The following BET1L variants were observed in gnomAD, a reference collection of about 807,000 sequenced individuals.
BET1L encodes Bet1 golgi vesicular membrane trafficking protein like, also known as BET1-like protein.
Under a neutral mutation model 12.6 loss-of-function variants are expected in BET1L, and 13 were observed. The observed-to-expected ratio is 1.03, with a 90% CI of 0.67 to 1.64. BET1L has a LOEUF of 1.64. Ranked by LOEUF, BET1L falls within the 40% of genes most tolerant of loss-of-function variation. The pLI, the probability that BET1L is intolerant of heterozygous loss-of-function variation, is 0.00. For synonymous variants in BET1L, 60 were observed against 56.9 expected (o/e 1.05, Z -0.25); for missense variants, 154 against 150.7 (o/e 1.02, Z -0.11).
chr11:205,935 G>A lies in BET1L; in HGVS notation c.111+17C>T, dbSNP rs3782121. 0.048 allele frequency: 77,371 copies of A among 1,611,798 alleles called. 2,410 individuals carry two copies. The highest frequency in any genetic ancestry group is 0.13 in the East Asian group (5,901 of 44,878). On this transcript the variant is annotated intron_variant, in intron 2 of 3. Transcript: ENST00000382762. ...CAAAGGCACCAGGTGGAGGTAAGAG[G>A]ACAGACCACCACTGACCGATTTGAG...
In BET1L at chr11:205,249, G is replaced by C; in HGVS notation, c.*53C>G. On this transcript the variant is annotated 3_prime_UTR_variant, in exon 4 of 4. Transcript: ENST00000382762. Reference sequence around the variant, plus strand: ...AGTCCTCTGGAGCCCAAAACACCAGGCAGGGAAGACCCTGGCTGCCCTTGG... The same window carrying C: ...AGTCCTCTGGAGCCCAAAACACCAGCCAGGGAAGACCCTGGCTGCCCTTGG... 6.4e-7 allele frequency: 1 copy of C among 1,570,072 alleles called. No individual in the cohort carries two copies. Among genetic ancestry groups the C allele is most frequent in the East Asian group, 2.3e-5 (1 of 44,038 alleles).
chr11:206,577 G>C (rs1054768739), intron 1 of BET1L, among the ~76,000 whole-genome samples: 11 of 152,340 alleles, frequency 7.2e-5, no homozygotes, highest in Non-Finnish European at 1.6e-4. Flanking sequence ...GCTGAGCAAA[G>C]TTCCCAATTT....
At position 202,970 on chromosome 11, in the gene BET1L, G is replaced by A. The variant is rs1362602408; in HGVS notation, c.*2332C>T. The A allele has an allele frequency of 6.6e-6, 1 of 152,222 alleles. No individual in the cohort carries two copies. The highest frequency in any genetic ancestry group is 1.5e-5 in the Non-Finnish European group (1 of 68,048). 9.4% of individuals were successfully genotyped at this position (152,222 alleles called of 1,614,324 possible). On this transcript the variant is annotated 3_prime_UTR_variant, in exon 4 of 4. Transcript: ENST00000382762. The stretch of plus-strand genomic sequence containing the variant: ...TTTACTACAAATTTTTATTGTTAAT[G>A]TTTCTCATCCTGAAATTATGGGATA...
rs61876180 is a variant in BET1L, at chr11:204,100, T to C, written c.*1202A>G. ...CACAGGTGGGGGGACAGTGATCCCA[T>C]AGTCCCCAGGGAGTGACTGGGAGGC... On this transcript the variant is annotated 3_prime_UTR_variant, in exon 4 of 4. Coordinates refer to ENST00000382762, the MANE Select transcript of BET1L (RefSeq NM_001098787.2). 0.028 allele frequency: 4,292 copies of C among 152,714 alleles called. 85 individuals are homozygous for C. The highest frequency in any genetic ancestry group is 0.042 in the Non-Finnish European group (2,887 of 68,308). 9.5% of individuals were successfully genotyped at this position (152,714 alleles called of 1,614,324 possible). A position where few individuals can be genotyped will look rare whatever the true frequency, so the allele number is the denominator to read the frequency against.
Position 205,476 on chromosome 11 carries a change from G to A in BET1L, c.169-7C>T. On this transcript the variant is annotated splice_region_variant and splice_polypyrimidine_tract_variant and intron_variant, in intron 3 of 3. Transcript: ENST00000382762. ...TGCTTGTGAAATCCGAGTCCTAAGG[G>A]AGGAATCCCAGCAAGATCACACAGA... 6.2e-7 allele frequency: 1 copy of A among 1,614,230 alleles called. No homozygotes were observed. Among genetic ancestry groups the A allele is most frequent in the Non-Finnish European group, 8.5e-7 (1 of 1,180,042 alleles).
At chr11:207,102 C>A (rs1855185660) in intron 1 of BET1L, 1 of 636,414 alleles carries the variant, frequency 1.6e-6, no homozygotes, top group South Asian at 2.4e-5. Context: ...GGCCGCCACG[C>A]GCGCCTTCGG....
At chr11:207,104 C>T (rs577070852) in intron 1 of BET1L, 199 bp downstream of exon 1, 28 of 648,252 alleles carry the variant, frequency 4.3e-5, no homozygotes, top group Non-Finnish European at 6.3e-5. Context: ...CCGCCACGCG[C>T]GCCTTCGGTC....
Position 207,352 on chromosome 11 carries a change from A to G in BET1L, c.-31T>C. ...CCTGCCCCGGCTCCTCGACGCGGAC[A>G]CCGACGCGGCCACAGCCGCCTCAGA... On this transcript the variant is annotated 5_prime_UTR_variant, in exon 1 of 4. Transcript: ENST00000382762. 1 of 1,147,082 alleles carries G rather than the reference A, an allele frequency of 8.7e-7. No individual in the cohort carries two copies. Among genetic ancestry groups the G allele is most frequent in the Admixed American group, 3.1e-5 (1 of 32,774 alleles). The allele number at this position is 1,147,082 out of a possible 1,614,324, so 71.1% of individuals were successfully genotyped here.
At position 205,680 on chromosome 11, in the gene BET1L, CAGAG is replaced by C; in HGVS notation, c.112-17_112-14del. The C allele has an allele frequency of 6.2e-7, 1 of 1,601,426 alleles. No individual in the cohort carries two copies. Among genetic ancestry groups the C allele is most frequent in the South Asian group, 1.1e-5 (1 of 90,882 alleles). ...TGTCCAGGGCGAGCTGTTCAGCAGA[CAGAG>C]AGGGCAGGGTTGGGCCAGAGCAGAC... On this transcript the variant is annotated splice_polypyrimidine_tract_variant and intron_variant, in intron 2 of 3. Coordinates refer to ENST00000382762, the MANE Select transcript of BET1L (RefSeq NM_001098787.2).
At position 205,362 on chromosome 11, in the gene BET1L, G is replaced by A. The variant is rs377316831; in HGVS notation, c.276C>T (p.Ala92=). The change falls in exon 4 of 4, where the codon GCC becomes GCT. Residue 92 remains alanine, a synonymous_variant. Transcript: ENST00000382762. ...TGAAGAAGGCCACAATTAGACCCAC[G>A]GCCATGCCACATAGAAGCTTCCGGT... ...QDNRKLLCGM[A]VGLIVAFFIL... 1.3e-4 allele frequency: 203 copies of A among 1,614,052 alleles called. No individual in the cohort carries two copies. In the East Asian group the frequency reaches 1.5e-3, roughly 12 times the overall value.
At position 205,262 on chromosome 11, in the gene BET1L, T is replaced by C; in HGVS notation, c.*40A>G. The C allele has an allele frequency of 6.3e-7, 1 of 1,591,170 alleles. No individual in the cohort carries two copies. The highest frequency in any genetic ancestry group is 8.6e-7 in the Non-Finnish European group (1 of 1,166,580). On this transcript the variant is annotated 3_prime_UTR_variant, in exon 4 of 4. Coordinates refer to ENST00000382762, the MANE Select transcript of BET1L (RefSeq NM_001098787.2). Reference sequence around the variant, plus strand: ...CCAAAACACCAGGCAGGGAAGACCCTGGCTGCCCTTGGCACCCACAGACAC... The same window carrying C: ...CCAAAACACCAGGCAGGGAAGACCCCGGCTGCCCTTGGCACCCACAGACAC...
intron 1 of BET1L, 23 bp downstream of exon 1, chr11:207,280 C>A (rs1342661448): frequency 1.3e-6 from 2 of 1,531,982 alleles, no homozygotes. Flanking sequence ...CTGCCCCCAA[C>A]GGCTCCGCTC....
rs1177342705 is a variant in BET1L at position 204,683 on chromosome 11, C to T, written c.*619G>A. ...GCAGTCCACTCCTTCATCCACAGCC[C>T]GTTCTCCCCAAGGGTCTCACTTCAT... On this transcript the variant is annotated 3_prime_UTR_variant, in exon 4 of 4. Coordinates refer to ENST00000382762, the MANE Select transcript of BET1L (RefSeq NM_001098787.2). The T allele has an allele frequency of 2.6e-5, 4 of 154,754 alleles. No individual in the cohort carries two copies. The highest frequency in any genetic ancestry group is 5.7e-5 in the Non-Finnish European group (4 of 69,870). The allele number at this position is 154,754 out of a possible 1,614,324, so 9.6% of individuals were successfully genotyped here.
In BET1L at chr11:204,003, G is replaced by A. The variant is rs1855095856; in HGVS notation, c.*1299C>T. 6.5e-6 allele frequency: 1 copy of A among 153,050 alleles called. No homozygotes were observed. The highest frequency in any genetic ancestry group is 1.5e-5 in the Non-Finnish European group (1 of 68,320). The allele number at this position is 153,050 out of a possible 1,614,324, so 9.5% of individuals were successfully genotyped here. Reference sequence around the variant, plus strand: ...GAGCAAAGTGGGGCTGCAGGCATCAGGCTGTGGCTGATCTGTGGTCAGCCT... The same window carrying A: ...GAGCAAAGTGGGGCTGCAGGCATCAAGCTGTGGCTGATCTGTGGTCAGCCT... On this transcript the variant is annotated 3_prime_UTR_variant, in exon 4 of 4. Coordinates refer to ENST00000382762, the MANE Select transcript of BET1L (RefSeq NM_001098787.2).
Position 205,055 on chromosome 11 carries a change from C to A in BET1L, c.*247G>T. On this transcript the variant is annotated 3_prime_UTR_variant, in exon 4 of 4. Transcript: ENST00000382762. ...CCCAGCTCTGCCTGGCTCTCTAGCA[C>A]CTGGGGGAGGGGGGAGGGGCTGGGC... 1 of 455,650 alleles carries A rather than the reference C, an allele frequency of 2.2e-6. No homozygotes were observed. Among genetic ancestry groups the A allele is most frequent in the Non-Finnish European group, 3.9e-6 (1 of 253,908 alleles). The allele number at this position is 455,650 out of a possible 1,614,324, so 28.2% of individuals were successfully genotyped here.
At chr11:207,028 CT>C (rs1332137956) in intron 1 of BET1L, 2 of 489,582 alleles carry the variant, frequency 4.1e-6, no homozygotes, top group East Asian at 7.5e-5. Flanking sequence ...GCAGAACGAT[CT>C]CACAGGGGGC....
intron 1 of BET1L, 147 bp downstream of exon 1, chr11:207,156 G>T (rs545979744): frequency 1.4e-3 from 1,565 of 1,138,894 alleles, no homozygotes; most frequent in Non-Finnish European, 1.7e-3. Flanking sequence ...GCTCGGACCC[G>T]GAAGGATCCG....
At chr11:206,321 T>C (rs1279122639) in intron 1 of BET1L, among the ~76,000 whole-genome samples, 1 of 152,208 alleles carries the variant, frequency 6.6e-6, no homozygotes, top group Non-Finnish European at 1.5e-5. Flanking sequence ...TAGCAAAAAC[T>C]GGACCCAGCC....
At position 207,177 on chromosome 11, in the gene BET1L, C is replaced by T. The variant is rs1053986102; in HGVS notation, c.19+126G>A. On this transcript the variant is annotated intron_variant, in intron 1 of 3. Transcript: ENST00000382762. The stretch of plus-strand genomic sequence containing the variant: ...ACCCGGAAGGATCCGAATCCGCCCC[C>T]CTGACAGGGTCCTCTCGGCCGAGGT... 7.0e-6 allele frequency: 9 copies of T among 1,291,584 alleles called. No homozygotes were observed. In the Admixed American group the frequency reaches 1.6e-4, roughly 23 times the overall value. The allele number at this position is 1,291,584 out of a possible 1,614,324, so 80.0% of individuals were successfully genotyped here. A position where few individuals can be genotyped will look rare whatever the true frequency, so the allele number is the denominator to read the frequency against.
Sources: allele counts gnomAD v4.1 joint callset (sites outside exome capture counted in the v4.1 genomes callset), GRCh38; gene constraint gnomAD v4.1.1; transcripts MANE v1.5; gene names NCBI Gene and HGNC (gene_info 2026-07-23, HGNC 2026-07-21).